Variants in DACH2 observed in about 807,000 individuals in gnomAD.
The protein encoded by DACH2 is dachshund homolog 2.
DACH2 carries 17 observed loss-of-function variants against 35.8 expected under a neutral mutation model. The observed-to-expected ratio is 0.48, with a 90% CI of 0.33 to 0.71. The LOEUF (loss-of-function observed/expected upper bound fraction) is 0.71, where lower values mean the gene tolerates loss of function less well. DACH2 is among the 30% of genes least tolerant of loss of function. DACH2 has a pLI of 0.02. For missense variants in DACH2, 469 were observed against 472.7 expected (o/e 0.99, Z 0.07); for synonymous variants, 195 against 177.3 (o/e 1.10, Z -0.79).
chrX:86,804,884 C>T (rs890589934), intron 7 of DACH2, among the ~76,000 whole-genome samples: 1 of 66,335 alleles, frequency 1.5e-5, no homozygotes, highest in Non-Finnish European at 3.2e-5. Flanking sequence ...AGATCTGCCC[C>T]TGTGCTTTGC....
chrX:86,576,859 A>G (rs1254103345), intron 3 of DACH2, among the ~76,000 whole-genome samples: 1 of 109,765 alleles, frequency 9.1e-6, no homozygotes, highest in Non-Finnish European at 1.9e-5. Context: ...TCCCTCTCTC[A>G]CTTCCTCCCT....
At chrX:86,579,872 A>C (rs751677622) in intron 3 of DACH2, among the ~76,000 whole-genome samples, 5 of 112,464 alleles carry the variant, frequency 4.4e-5, no homozygotes, top group Non-Finnish European at 9.4e-5. Flanking sequence ...ACCACAGCCT[A>C]CATGCGTGCA....
intron 1 of DACH2, among the ~76,000 whole-genome samples, chrX:86,318,548 C>G (rs2034956672): frequency 9.0e-6 from 1 of 111,526 alleles, no homozygotes; most frequent in Non-Finnish European, 1.9e-5. Flanking sequence ...ACATAACAAC[C>G]TTAATTGTGA....
intron 11 of DACH2, among the ~76,000 whole-genome samples, chrX:86,823,907 G>C (rs1418600487): frequency 8.9e-6 from 1 of 111,759 alleles, no homozygotes; most frequent in Non-Finnish European, 1.9e-5. Flanking sequence ...TGCTTCTGAG[G>C]AAACAGGACA....
intron 1 of DACH2, among the ~76,000 whole-genome samples, chrX:86,346,639 A>T (rs928587666): frequency 6.3e-5 from 7 of 111,662 alleles, no homozygotes; most frequent in Non-Finnish European, 1.1e-4. Context: ...TATATATTCA[A>T]AGTATAAGTT....
chrX:86,782,926 A>G (rs1386057108), intron 7 of DACH2, among the ~76,000 whole-genome samples: 4 of 111,613 alleles, frequency 3.6e-5, no homozygotes, highest in Non-Finnish European at 5.7e-5. Flanking sequence ...GATTATATCA[A>G]ATTAAAAAGC....
At chrX:86,416,020 C>G (rs907751057) in intron 2 of DACH2, among the ~76,000 whole-genome samples, 2 of 111,828 alleles carry the variant, frequency 1.8e-5, no homozygotes, top group Non-Finnish European at 3.8e-5. Flanking sequence ...AGTCAAGCAA[C>G]ATATTGCTAA....
chrX:86,344,430 T>C (rs2148064574), intron 1 of DACH2, among the ~76,000 whole-genome samples: 1 of 109,326 alleles, frequency 9.1e-6, no homozygotes, highest in East Asian at 2.9e-4. Context: ...TTATTAATTT[T>C]TCCAGGTCTC....
At chrX:86,500,267 G>T (rs897963296) in intron 2 of DACH2, among the ~76,000 whole-genome samples, 2 of 111,377 alleles carry the variant, frequency 1.8e-5, no homozygotes, top group African/African-American at 6.5e-5. Flanking sequence ...ATAACATTTT[G>T]TTCATAGGAG....
chrX:86,571,039 CTG>C (rs1427111875), intron 3 of DACH2, among the ~76,000 whole-genome samples: 2 of 111,022 alleles, frequency 1.8e-5, no homozygotes, highest in Non-Finnish European at 3.8e-5. Flanking sequence ...AGATTTTCTA[CTG>C]TGTTTTCTTA....
At chrX:86,811,996 G>A (rs997753137) in intron 7 of DACH2, among the ~76,000 whole-genome samples, 8 of 111,779 alleles carry the variant, frequency 7.2e-5, no homozygotes, top group African/African-American at 2.6e-4. Context: ...TATGTCATAC[G>A]TGTTATTTTC....
Position 86,798,672 on chromosome X carries a change from T to C in DACH2, c.1241-14184T>C, listed in dbSNP as rs12012556. On this transcript the variant is annotated intron_variant, in intron 7 of 11. Coordinates refer to ENST00000373125, the MANE Select transcript of DACH2 (RefSeq NM_053281.3). ...TCACTGGGGATGGGTGAACTGGAATTGGCTCTGGCAAGGGAATAAACTTGT... is the reference window on the plus strand; with the variant it reads ...TCACTGGGGATGGGTGAACTGGAATCGGCTCTGGCAAGGGAATAAACTTGT... 976 of 123,515 alleles carry C rather than the reference T, an allele frequency of 7.9e-3. 14 individuals are homozygous for C. Among genetic ancestry groups the C allele is most frequent in the African/African-American group, 0.03 (926 of 30,912 alleles). The allele number at this position is 123,515 out of a possible 1,213,427, so 10.2% of individuals were successfully genotyped here. A position where few individuals can be genotyped will look rare whatever the true frequency, so the allele number is the denominator to read the frequency against.
At chrX:86,194,512 C>A (rs111897366) in intron 1 of DACH2, among the ~76,000 whole-genome samples, 2,087 of 111,640 alleles carry the variant, frequency 0.019, 47 homozygotes, top group African/African-American at 0.062. Flanking sequence ...ACCTGGAAAC[C>A]CTGCACCAGG....
At chrX:86,243,753 A>G (rs1264486942) in intron 1 of DACH2, among the ~76,000 whole-genome samples, 1 of 112,225 alleles carries the variant, frequency 8.9e-6, no homozygotes, top group Non-Finnish European at 1.9e-5. Flanking sequence ...TACTGTCAGT[A>G]AAGCATAGAA....
At chrX:86,282,988 C>T (rs2034065665) in intron 1 of DACH2, among the ~76,000 whole-genome samples, 1 of 38,563 alleles carries the variant, frequency 2.6e-5, no homozygotes, top group Non-Finnish European at 3.9e-5. Flanking sequence ...CCGCTTTAGC[C>T]GGGATGGTCT....
At chrX:86,819,957 C>G (rs910126581) in intron 11 of DACH2, among the ~76,000 whole-genome samples, 1 of 111,551 alleles carries the variant, frequency 9.0e-6, no homozygotes, top group Non-Finnish European at 1.9e-5. Context: ...GTATAGTAGA[C>G]AGTGCATGTT....
intron 1 of DACH2, among the ~76,000 whole-genome samples, chrX:86,370,606 T>C (rs767133022): frequency 1.2e-4 from 13 of 111,228 alleles, no homozygotes; most frequent in Admixed American, 1.9e-4. Context: ...CCTACAAACA[T>C]GAATAGCAAG....
At chrX:86,289,751 T>G (rs2034235265) in intron 1 of DACH2, among the ~76,000 whole-genome samples, 1 of 109,541 alleles carries the variant, frequency 9.1e-6, no homozygotes, top group Non-Finnish European at 1.9e-5. Context: ...GGACATGAAC[T>G]CATCATTTTT....
At chrX:86,827,983 G>T in intron 11 of DACH2, 1 of 408,757 alleles carries the variant, frequency 2.4e-6, no homozygotes, top group South Asian at 5.1e-5. Flanking sequence ...TTAGGGGATA[G>T]TCATAATAAT....
Sources: gnomAD v4.1 joint callset for allele counts (sites outside exome capture counted in the v4.1 genomes callset) on GRCh38, gnomAD v4.1.1 for gene constraint, MANE v1.5 for transcripts, NCBI Gene and HGNC (gene_info 2026-07-23, HGNC 2026-07-21) for gene names.